The following SLC16A1 variants were observed in gnomAD, a reference collection of about 807,000 sequenced individuals.
SLC16A1 encodes monocarboxylate transporter 1.
In SLC16A1, 11 loss-of-function variants were observed where a neutral mutation model predicts 32.2. The observed-to-expected ratio is 0.34, with a 90% CI of 0.21 to 0.56. The LOEUF (loss-of-function observed/expected upper bound fraction) is 0.56. Among genes scored for constraint, SLC16A1 ranks in the 20% least tolerant of loss-of-function variants. The probability of loss-of-function intolerance (pLI) is 0.87; values close to 1 mark genes in which losing one functional copy is unlikely to be tolerated. For synonymous variants in SLC16A1, 231 were observed against 226.8 expected (o/e 1.02, Z -0.17); for missense variants, 435 against 615.0 (o/e 0.71, Z 3.10).
chr1:112,941,262 A>G (rs1477030201), intron 1 of SLC16A1, among the ~76,000 whole-genome samples: 1 of 149,614 alleles, frequency 6.7e-6, no homozygotes, highest in East Asian at 2.0e-4. Flanking sequence ...TTTATCCCCT[A>G]TAGACCTCTT....
chr1:112,917,073 T>A lies in SLC16A1; in HGVS notation c.1228+105A>T. 1 of 1,417,620 alleles carries A rather than the reference T, an allele frequency of 7.1e-7. No individual in the cohort carries two copies. Among genetic ancestry groups the A allele is most frequent in the Non-Finnish European group, 9.8e-7 (1 of 1,018,192 alleles). 87.8% of individuals were successfully genotyped at this position (1,417,620 alleles called of 1,614,324 possible). ...ATCAAGGGTACATAAATGAGAAAGA[T>A]TTATTCTTACCCAAATAGCTCACTA... On this transcript the variant is annotated intron_variant, in intron 4 of 4. Coordinates refer to ENST00000369626, the MANE Select transcript of SLC16A1 (RefSeq NM_003051.4). This position sits in a 1 kb window ranked among gnomAD's most constrained non-coding sequence, Gnocchi z 4.1.
intron 1 of SLC16A1, among the ~76,000 whole-genome samples, chr1:112,946,361 T>TA (rs922606415): frequency 3.2e-3 from 471 of 147,358 alleles, no homozygotes; most frequent in African/African-American, 0.01. Flanking sequence ...CCACTTGAGT[T>TA]AAAAAAAAAA....
At chr1:112,935,049 T>C (rs1414118176) in intron 1 of SLC16A1, among the ~76,000 whole-genome samples, 1 of 152,154 alleles carries the variant, frequency 6.6e-6, no homozygotes, top group Non-Finnish European at 1.5e-5. Flanking sequence ...TGTGTATTTC[T>C]CTAAAATTAT....
chr1:112,914,719 T>G (rs1261433813), intron 4 of SLC16A1, among the ~76,000 whole-genome samples: 1 of 152,226 alleles, frequency 6.6e-6, no homozygotes, highest in Non-Finnish European at 1.5e-5. Flanking sequence ...GTTAGCTAAT[T>G]TGTCCATGGT....
In SLC16A1 at chr1:112,917,260, A is replaced by G. The variant is rs1415029934; in HGVS notation, c.1146T>C (p.Val382=). 6.2e-7 allele frequency: 1 copy of G among 1,614,246 alleles called. No homozygotes were observed. The highest frequency in any genetic ancestry group is 1.7e-5 in the Admixed American group (1 of 60,024). The change falls in exon 4 of 5, where the codon GTT becomes GTC. Residue 382 remains valine, a synonymous_variant. Transcript: ENST00000369626. This position sits in a 1 kb window ranked among gnomAD's most constrained non-coding sequence, Gnocchi z 4.1. ...CAGCGCTGGAGAACCTCTGGGGTCCAACAAGGTCCATCAATGTTTCAAACA... is the reference window on the plus strand; with the variant it reads ...CAGCGCTGGAGAACCTCTGGGGTCCGACAAGGTCCATCAATGTTTCAAACA... The part of the protein sequence containing the change: ...SVLFETLMDL[V]GPQRFSSAVG...
rs1427002395 is a variant in SLC16A1, at chr1:112,929,411, T to C, written c.-44-59A>G. 7.3e-6 allele frequency: 7 copies of C among 964,282 alleles called. No individual in the cohort carries two copies. In the East Asian group the frequency reaches 1.6e-4, roughly 22 times the overall value. The allele number at this position is 964,282 out of a possible 1,614,324, so 59.7% of individuals were successfully genotyped here. ...ATAAGGCACACCTATAAAACTCTTTTGTGAAATAAGAAATATAGCCAATCG... is the reference window on the plus strand; with the variant it reads ...ATAAGGCACACCTATAAAACTCTTTCGTGAAATAAGAAATATAGCCAATCG... On this transcript the variant is annotated intron_variant, in intron 1 of 4. Transcript: ENST00000369626.
Position 112,912,863 on chromosome 1 carries a change from A to AAGATTAATTTTAAATTTTAGATTTG in SLC16A1, c.*1027_*1028insCAAATCTAAAATTTAAAATTAATCT, listed in dbSNP as rs1648371887. 1 of 152,028 alleles carries AAGATTAATTTTAAATTTTAGATTTG rather than the reference A, an allele frequency of 6.6e-6. No homozygotes were observed. The highest frequency in any genetic ancestry group is 1.5e-5 in the Non-Finnish European group (1 of 67,994). The allele number at this position is 152,028 out of a possible 1,614,324, so 9.4% of individuals were successfully genotyped here. On this transcript the variant is annotated 3_prime_UTR_variant, in exon 5 of 5. Transcript: ENST00000369626. ...AACACACACATATCTCACACATAGCACTAAGCTAGAAGCAGATATAAATGG... is the reference window on the plus strand; with the variant it reads ...AACACACACATATCTCACACATAGCAAGATTAATTTTAAATTTTAGATTTGCTAAGCTAGAAGCAGATATAAATGG...
In SLC16A1 at chr1:112,936,385, GTA is replaced by G. The variant is rs765469596; in HGVS notation, c.-44-7035_-44-7034del. ...TAGCTGGGCATGGCGGCAGGCACCT[GTA>G]ATCCCAGCTACTTGGGAGGCTGAGG... On this transcript the variant is annotated intron_variant, in intron 1 of 4. Coordinates refer to ENST00000369626, the MANE Select transcript of SLC16A1 (RefSeq NM_003051.4). Among the ~76,000 whole-genome samples, 18 of 145,652 alleles carry G rather than the reference GTA, an allele frequency of 1.2e-4. No homozygotes were observed. The East Asian group carries it at 3.2e-3, about 26-fold the overall frequency.
At position 112,912,579 on chromosome 1, in the gene SLC16A1, C is replaced by A. The variant is rs886045059; in HGVS notation, c.*1312G>T. The A allele has an allele frequency of 6.6e-6, 1 of 152,120 alleles. No homozygotes were observed. Among genetic ancestry groups the A allele is most frequent in the Non-Finnish European group, 1.5e-5 (1 of 68,026 alleles). 9.4% of individuals were successfully genotyped at this position (152,120 alleles called of 1,614,324 possible). A position where few individuals can be genotyped will look rare whatever the true frequency, so the allele number is the denominator to read the frequency against. On this transcript the variant is annotated 3_prime_UTR_variant, in exon 5 of 5. Transcript: ENST00000369626. Reference sequence around the variant, plus strand: ...TTATCCTTATACTGAATCCATTTCTCTACTTTTCAGGTAAGTGAAAGGGGT... The same window carrying A: ...TTATCCTTATACTGAATCCATTTCTATACTTTTCAGGTAAGTGAAAGGGGT...
intron 1 of SLC16A1, among the ~76,000 whole-genome samples, chr1:112,950,190 A>G (rs1027041963): frequency 9.2e-5 from 14 of 152,344 alleles, no homozygotes; most frequent in East Asian, 3.9e-4. Flanking sequence ...CTCGAATTCA[A>G]TAGACCTTAG....
intron 2 of SLC16A1, chr1:112,923,522 C>A: frequency 9.6e-7 from 1 of 1,042,762 alleles, no homozygotes; most frequent in Non-Finnish European, 1.5e-6. Context: ...ACACGGCCTT[C>A]GTGTACAGCG....
At chr1:112,916,496 TAA>T (rs570173297) in intron 4 of SLC16A1, among the ~76,000 whole-genome samples, 72 of 61,226 alleles carry the variant, frequency 1.2e-3, no homozygotes, top group African/African-American at 4.1e-3. Context: ...AAGACTGTCT[TAA>T]AAAAAAAAAA....
intron 1 of SLC16A1, among the ~76,000 whole-genome samples, chr1:112,930,131 C>T (rs977202742): frequency 6.6e-6 from 1 of 152,168 alleles, no homozygotes; most frequent in African/African-American, 2.4e-5. Flanking sequence ...GTAGTGGTAA[C>T]CCGATTTATA....
chr1:112,946,702 C>G (rs1160592116), intron 1 of SLC16A1, among the ~76,000 whole-genome samples: 1 of 152,132 alleles, frequency 6.6e-6, no homozygotes, highest in African/African-American at 2.4e-5. Context: ...TACAGGCATG[C>G]ACCACCACGC....
chr1:112,923,840 G>A (rs1278851018), intron 2 of SLC16A1: 2 of 1,506,562 alleles, frequency 1.3e-6, no homozygotes, highest in East Asian at 2.3e-5. Flanking sequence ...GCTGGACCCT[G>A]CCCACTGTGT....
rs920675235 is a variant in SLC16A1, at chr1:112,911,891, C to T, written c.*2000G>A. ...TATTTTTTCAGATTTCCTTTACTTACATTCCTTATTCCCTCACCAACAGTA... is the reference window on the plus strand; with the variant it reads ...TATTTTTTCAGATTTCCTTTACTTATATTCCTTATTCCCTCACCAACAGTA... On this transcript the variant is annotated 3_prime_UTR_variant, in exon 5 of 5. Coordinates refer to ENST00000369626, the MANE Select transcript of SLC16A1 (RefSeq NM_003051.4). 1 of 152,232 alleles carries T rather than the reference C, an allele frequency of 6.6e-6. No individual in the cohort carries two copies. The highest frequency in any genetic ancestry group is 6.5e-5 in the Admixed American group (1 of 15,278). The allele number at this position is 152,232 out of a possible 1,614,324, so 9.4% of individuals were successfully genotyped here. A position where few individuals can be genotyped will look rare whatever the true frequency, so the allele number is the denominator to read the frequency against.
rs578006374 is a variant in SLC16A1 at position 112,917,398 on chromosome 1, G to A, written c.1008C>T (p.Ser336=). The A allele has an allele frequency of 8.7e-6, 14 of 1,614,064 alleles. No individual in the cohort carries two copies. The highest frequency in any genetic ancestry group is 8.0e-5 in the African/African-American group (6 of 74,922). The change falls in exon 4 of 5, where the codon TCC becomes TCT. Residue 336 remains serine (S), a synonymous_variant. Transcript: ENST00000369626. This position sits in a 1 kb window ranked among gnomAD's most constrained non-coding sequence, Gnocchi z 4.1. ...RPRIQYFFAA[S]VVANGVCHML... is the part of the protein sequence containing the mutation. ...TATGACACACTCCATTTGCAACAAC[G>A]GAAGCCGCAAAGAAATACTGAATTC...
At chr1:112,937,349 A>G (rs1481235094) in intron 1 of SLC16A1, among the ~76,000 whole-genome samples, 1 of 152,244 alleles carries the variant, frequency 6.6e-6, no homozygotes, top group Non-Finnish European at 1.5e-5. Flanking sequence ...CCAAAATTAG[A>G]TTTAAAGCCT....
rs557590271 is a variant in SLC16A1 at position 112,948,941 on chromosome 1, C to T, written c.-45+7094G>A. Among the ~76,000 whole-genome samples the T allele has an allele frequency of 3.3e-5, 5 of 152,292 alleles. No homozygotes were observed. The East Asian group carries it at 5.8e-4, about 18-fold the overall frequency. ...CGCCTCCCGGGTTCACGCCTTTCTC[C>T]CGCCTCAGCCTCCCGAGTAGCTGGG... is the stretch of plus-strand genomic sequence containing the variant. On this transcript the variant is annotated intron_variant, in intron 1 of 4. Coordinates refer to ENST00000369626, the MANE Select transcript of SLC16A1 (RefSeq NM_003051.4).
Sources: gnomAD v4.1 joint callset for allele counts (sites outside exome capture counted in the v4.1 genomes callset) on GRCh38, gnomAD v4.1.1 for gene constraint, Gnocchi (gnomAD v3.1) non-coding constraint, MANE v1.5 for transcripts, NCBI Gene and HGNC (gene_info 2026-07-23, HGNC 2026-07-21) for gene names.